Variants in MANBA observed in about 807,000 individuals in gnomAD.
MANBA encodes the protein beta-mannosidase.
MANBA carries 83 observed loss-of-function variants against 111.1 expected under a neutral mutation model. The ratio of observed to expected loss-of-function variants is 0.75; its 90% confidence interval spans 0.63 to 0.90. The LOEUF is 0.90. Among genes scored for constraint, MANBA ranks in the 40% least tolerant of loss-of-function variants. MANBA has a pLI of 0.00. For synonymous variants in MANBA, 370 were observed against 378.7 expected (o/e 0.98, Z 0.27); for missense variants, 1,036 against 1,069.0 (o/e 0.97, Z 0.43).
chr4:102,657,230 G>GC (rs1560752415), intron 12 of MANBA, among the ~76,000 whole-genome samples: 3 of 111,898 alleles, frequency 2.7e-5, no homozygotes, highest in East Asian at 6.7e-4. Context: ...GGTGGGGGGG[G>GC]GGTGGGCGGT....
intron 1 of MANBA, chr4:102,730,165 TG>T: frequency 9.2e-7 from 1 of 1,091,116 alleles, no homozygotes; most frequent in South Asian, 1.7e-5. Context: ...GTCACCCTGA[TG>T]GACATGGTGG....
intron 1 of MANBA, chr4:102,752,318 C>A: frequency 7.3e-7 from 1 of 1,365,802 alleles, no homozygotes; most frequent in Non-Finnish European, 1.0e-6. Context: ...AAACGTTTAG[C>A]ATCTGGAAGC....
chr4:102,746,971 C>CAAAAAA lies in MANBA; in HGVS notation c.177+13741_177+13746dup, dbSNP rs575851183. Reference sequence around the variant, plus strand: ...TGGGTGACAGAGCGAGACTCCATCTCAAAAAAAAAAAAAAAAGAAAGAAAA... The same window carrying CAAAAAA: ...TGGGTGACAGAGCGAGACTCCATCTCAAAAAAAAAAAAAAAAAAAAAAGAAAGAAAA... On this transcript the variant is annotated intron_variant, in intron 1 of 16. Transcript: ENST00000647097. 9.6e-4 allele frequency among the ~76,000 whole-genome samples: 88 copies of CAAAAAA among 91,876 alleles called. 1 individual carries two copies. The highest frequency in any genetic ancestry group is 3.0e-3 in the African/African-American group (74 of 24,756). 60.3% of individuals were successfully genotyped at this position (91,876 alleles called of 152,430 possible).
intron 10 of MANBA, 53 bp from the exon 11 acceptor site, chr4:102,664,905 C>A (rs1231185661): frequency 1.4e-6 from 2 of 1,397,074 alleles, no homozygotes; most frequent in African/African-American, 2.9e-5. Context: ...ATAAAAAATT[C>A]AGAGCTATAA....
intron 1 of MANBA, chr4:102,728,798 T>G: frequency 1.1e-6 from 1 of 924,496 alleles, no homozygotes; most frequent in Non-Finnish European, 1.7e-6. Context: ...ATCATGGGTC[T>G]CGATCTTCTT....
intron 5 of MANBA, among the ~76,000 whole-genome samples, chr4:102,708,040 A>C (rs1024398331): frequency 5.9e-5 from 9 of 152,190 alleles, no homozygotes; most frequent in African/African-American, 2.2e-4. Flanking sequence ...AAAGACAGAT[A>C]GATTCCAATA....
intron 5 of MANBA, among the ~76,000 whole-genome samples, chr4:102,701,427 G>A (rs1312486149): frequency 9.2e-5 from 14 of 151,870 alleles, no homozygotes; most frequent in South Asian, 8.4e-4. Context: ...TATTTTGCTC[G>A]TTAGTTGATG....
At chr4:102,715,378 C>A (rs1031464573) in intron 4 of MANBA, among the ~76,000 whole-genome samples, 2 of 152,168 alleles carry the variant, frequency 1.3e-5, no homozygotes, top group Admixed American at 1.3e-4. Context: ...GACCTTAAGC[C>A]AGAGGCACCC....
At chr4:102,691,514 CTTTT>C (rs544931674) in intron 5 of MANBA, among the ~76,000 whole-genome samples, 17 of 137,016 alleles carry the variant, frequency 1.2e-4, no homozygotes, top group Non-Finnish European at 1.1e-4. Context: ...TTTCTTTTTC[CTTTT>C]TTTTTTTTTT....
chr4:102,635,700 G>A (rs1729594146), intron 15 of MANBA, among the ~76,000 whole-genome samples, 165 bp downstream of exon 15: 1 of 152,164 alleles, frequency 6.6e-6, no homozygotes, highest in Admixed American at 6.5e-5. Flanking sequence ...GATGTGAAGG[G>A]TTTTGCTTAT....
chr4:102,751,762 C>CCT, intron 1 of MANBA: 1 of 530,352 alleles, frequency 1.9e-6, no homozygotes, highest in South Asian at 1.4e-5. Context: ...TATGATAAGA[C>CCT]CTCTCAAATC....
intron 7 of MANBA, among the ~76,000 whole-genome samples, chr4:102,687,760 T>TTCTA (rs1732284270): frequency 6.6e-6 from 1 of 152,178 alleles, no homozygotes; most frequent in Non-Finnish European, 1.5e-5. Context: ...AGATCATTAG[T>TTCTA]TCTACTAAGG....
rs139253418 is a variant in MANBA at position 102,675,475 on chromosome 4, T to C, written c.961-1405A>G. On this transcript the variant is annotated intron_variant, in intron 7 of 16. Transcript: ENST00000647097. ...ACTGTGCTCTTACTATTAATAGCTG[T>C]CTTTGATTATTCCTGCTGTAATCTC... Among the ~76,000 whole-genome samples, 605 of 152,310 alleles carry C rather than the reference T, an allele frequency of 4.0e-3. 1 individual carries two copies. The highest frequency in any genetic ancestry group is 5.9e-3 in the Non-Finnish European group (404 of 68,016).
intron 1 of MANBA, among the ~76,000 whole-genome samples, chr4:102,732,398 T>A (rs574236132): frequency 6.6e-6 from 1 of 152,262 alleles, no homozygotes; most frequent in Admixed American, 6.5e-5. Context: ...TAACTCCAAG[T>A]CAAGAAGGAA....
chr4:102,686,405 T>A (rs1216992847), intron 7 of MANBA, among the ~76,000 whole-genome samples: 1 of 152,174 alleles, frequency 6.6e-6, no homozygotes, highest in Non-Finnish European at 1.5e-5. Context: ...TTTGTTCAGT[T>A]GCCTATGTGA....
chr4:102,757,961 C>T (rs1243496315), intron 1 of MANBA, among the ~76,000 whole-genome samples: 1 of 152,222 alleles, frequency 6.6e-6, no homozygotes, highest in South Asian at 2.1e-4. Flanking sequence ...CAAGCTCGTG[C>T]CTGCCTCAGG....
At position 102,695,170 on chromosome 4, in the gene MANBA, C is replaced by T. The variant is rs150523916; in HGVS notation, c.674-4399G>A. Among the ~76,000 whole-genome samples, 3 of 152,210 alleles carry T rather than the reference C, an allele frequency of 2.0e-5. No homozygotes were observed. In the East Asian group the frequency reaches 5.8e-4, roughly 29 times the overall value. ...CTAGCTCATGTAGATGTGTCCAGTA[C>T]ATCAGCCTTCAAAATCTTCTCAAAT... On this transcript the variant is annotated intron_variant, in intron 5 of 16. Transcript: ENST00000647097.
intron 1 of MANBA, chr4:102,728,182 G>A (rs1410359602): frequency 1.9e-6 from 1 of 539,034 alleles, no homozygotes. Context: ...CCTGCTCTAT[G>A]TGAGGCTGTT....
At chr4:102,668,075 G>A (rs1731305487) in intron 10 of MANBA, 1 of 152,122 alleles carries the variant, frequency 6.6e-6, no homozygotes, top group African/African-American at 2.4e-5. Flanking sequence ...TTCATGTATT[G>A]ACAAGCATCC....
Sources: gnomAD v4.1 joint callset for allele counts (sites outside exome capture counted in the v4.1 genomes callset) on GRCh38, gnomAD v4.1.1 for gene constraint, MANE v1.5 for transcripts, NCBI Gene and HGNC (gene_info 2026-07-23, HGNC 2026-07-21) for gene names.